Variants in DPP10 observed in about 807,000 individuals in gnomAD.
DPP10 encodes dipeptidyl peptidase like 10, also known as inactive dipeptidyl peptidase 10.
In DPP10, 33 loss-of-function variants were observed where a neutral mutation model predicts 120.9. That is an observed-to-expected ratio of 0.27 (90% confidence interval 0.21 to 0.37). DPP10 has a LOEUF of 0.37. Among genes scored for constraint, DPP10 ranks in the 10% least tolerant of loss-of-function variants. The probability of loss-of-function intolerance (pLI) is 1.00; values close to 1 mark genes in which losing one functional copy is unlikely to be tolerated. For synonymous variants in DPP10, 337 were observed against 326.1 expected (o/e 1.03, Z -0.36); for missense variants, 816 against 942.8 (o/e 0.87, Z 1.76).
intron 13 of DPP10, among the ~76,000 whole-genome samples, chr2:115,773,157 T>C (rs1314901585): frequency 6.6e-6 from 1 of 152,184 alleles, no homozygotes; most frequent in African/African-American, 2.4e-5. Flanking sequence ...TCTCATGTGG[T>C]GAATAGATGG....
chr2:115,525,920 A>G lies in DPP10; in HGVS notation c.389A>G (p.His130Arg). 3.7e-6 allele frequency: 6 copies of G among 1,609,706 alleles called. No homozygotes were observed. The highest frequency in any genetic ancestry group is 5.1e-6 in the Non-Finnish European group (6 of 1,178,444). Reference protein sequence around the residue: ...TTFVTFKASRHSVSPDLKYVL... With the variant: ...TTFVTFKASRRSVSPDLKYVL... ...TAGGTAACCTTCAAAGCATCAAGAC[A>G]TTCAGTTTCACCAGATTTAAAATAT... Residue 130 changes from histidine to arginine, a missense_variant, in exon 5 of 26, where the codon CAT becomes CGT. Physicochemically the swap from His to Arg is conservative, Grantham distance 29. This residue lies in a region of DPP10 where 182 missense variants were observed against 207.4 expected (regional missense o/e 0.88). Transcript: ENST00000410059.
At chr2:115,343,232 T>C (rs2106256254) in intron 2 of DPP10, among the ~76,000 whole-genome samples, 1 of 152,310 alleles carries the variant, frequency 6.6e-6, no homozygotes, top group Admixed American at 6.5e-5. Context: ...GTATGAAATG[T>C]GTGTATTATC....
intron 3 of DPP10, among the ~76,000 whole-genome samples, chr2:115,389,518 C>CATTTT (rs1274826115): frequency 5.9e-5 from 9 of 152,116 alleles, no homozygotes; most frequent in Admixed American, 1.3e-4. Flanking sequence ...CTTGGATTTC[C>CATTTT]ATTTTTTAAT....
intron 1 of DPP10, among the ~76,000 whole-genome samples, chr2:115,155,955 G>A (rs2051881439): frequency 6.6e-6 from 1 of 151,784 alleles, no homozygotes; most frequent in African/African-American, 2.4e-5. Flanking sequence ...CTTTGATTTG[G>A]ATAAAGATCT....
intron 1 of DPP10, among the ~76,000 whole-genome samples, chr2:114,562,166 G>A (rs911302370): frequency 2.0e-5 from 3 of 152,156 alleles, no homozygotes; most frequent in Non-Finnish European, 4.4e-5. Flanking sequence ...AGGAAATTCT[G>A]TTTCAGATTC....
chr2:115,269,324 A>C (rs768341154), intron 1 of DPP10, among the ~76,000 whole-genome samples: 9 of 152,226 alleles, frequency 5.9e-5, no homozygotes, highest in Non-Finnish European at 2.9e-5. Context: ...AATACAGGGT[A>C]GCTGTATTTG....
At chr2:115,244,832 C>T (rs1226867830) in intron 1 of DPP10, among the ~76,000 whole-genome samples, 2 of 137,668 alleles carry the variant, frequency 1.5e-5, no homozygotes, top group African/African-American at 5.3e-5. Context: ...TATATGTATG[C>T]ACATATATAT....
At chr2:115,460,990 T>C (rs2073952731) in intron 3 of DPP10, among the ~76,000 whole-genome samples, 1 of 152,158 alleles carries the variant, frequency 6.6e-6, no homozygotes, top group Admixed American at 6.5e-5. Flanking sequence ...TTGACTATAG[T>C]GTGTATTCTG....
At chr2:114,717,713 A>G (rs1701445173) in intron 1 of DPP10, among the ~76,000 whole-genome samples, 1 of 152,050 alleles carries the variant, frequency 6.6e-6, no homozygotes, top group Non-Finnish European at 1.5e-5. Flanking sequence ...CCCCACCAGT[A>G]CCTCCCTTCT....
chr2:115,162,289 C>T (rs1026138997), intron 1 of DPP10: 6 of 1,519,222 alleles, frequency 3.9e-6, no homozygotes, highest in South Asian at 1.2e-5. Flanking sequence ...GCTGAAGGTG[C>T]CCCGGGGAAC....
chr2:115,409,024 AAAGATAAAG>A (rs2104560878), intron 3 of DPP10, among the ~76,000 whole-genome samples: 1 of 152,210 alleles, frequency 6.6e-6, no homozygotes, highest in African/African-American at 2.4e-5. Context: ...GTCCATTTTT[AAAGATAAAG>A]GAAGGAAAAC....
intron 1 of DPP10, among the ~76,000 whole-genome samples, chr2:115,160,164 A>G (rs932816683): frequency 6.6e-6 from 1 of 152,226 alleles, no homozygotes; most frequent in South Asian, 2.1e-4. Flanking sequence ...TATTTGCTTT[A>G]TGCTTTTGCA....
At chr2:115,471,457 T>C (rs1439019112) in intron 3 of DPP10, among the ~76,000 whole-genome samples, 3 of 152,202 alleles carry the variant, frequency 2.0e-5, no homozygotes, top group Non-Finnish European at 4.4e-5. Context: ...TGTGCAGTGA[T>C]TGGCCCTTAC....
chr2:115,591,392 C>T (rs1487993549), intron 5 of DPP10, among the ~76,000 whole-genome samples: 1 of 152,176 alleles, frequency 6.6e-6, no homozygotes, highest in Non-Finnish European at 1.5e-5. Context: ...GTTTTCCCAG[C>T]ACCATTTATT....
At chr2:115,052,075 A>G (rs62164503) in intron 1 of DPP10, among the ~76,000 whole-genome samples, 14,206 of 152,280 alleles carry the variant, frequency 0.093, 935 homozygotes, top group Non-Finnish European at 0.13. Flanking sequence ...CCACTCAGTA[A>G]AGAAAGAATA....
At chr2:115,401,770 AAT>A (rs967388799) in intron 3 of DPP10, among the ~76,000 whole-genome samples, 1 of 152,088 alleles carries the variant, frequency 6.6e-6, no homozygotes, top group Non-Finnish European at 1.5e-5. Flanking sequence ...TGCATTTTCT[AAT>A]ATATTAAATT....
intron 1 of DPP10, among the ~76,000 whole-genome samples, chr2:115,134,698 T>C (rs1330770381): frequency 6.6e-6 from 1 of 151,994 alleles, no homozygotes; most frequent in Non-Finnish European, 1.5e-5. Context: ...AATAAAATAT[T>C]TACAATATCA....
chr2:115,464,344 T>C (rs2074174073), intron 3 of DPP10, among the ~76,000 whole-genome samples: 1 of 152,096 alleles, frequency 6.6e-6, no homozygotes, highest in African/African-American at 2.4e-5. Context: ...AAATATCTTC[T>C]TAATGGTCTG....
At chr2:114,825,678 A>G (rs1686467921) in intron 1 of DPP10, among the ~76,000 whole-genome samples, 1 of 152,160 alleles carries the variant, frequency 6.6e-6, no homozygotes, top group Admixed American at 6.5e-5. Flanking sequence ...CCAAACACAG[A>G]CCCAGAATTT....
Sources: gnomAD v4.1 joint callset for allele counts (sites outside exome capture counted in the v4.1 genomes callset) on GRCh38, gnomAD v4.1.1 for gene constraint, gnomAD v4.1.1 regional missense constraint, MANE v1.5 for transcripts, NCBI Gene and HGNC (gene_info 2026-07-23, HGNC 2026-07-21) for gene names.